The following ELF2 variants were observed in gnomAD, a reference collection of about 807,000 sequenced individuals.
ELF2 encodes the protein ETS-related transcription factor Elf-2.
Under a neutral mutation model 54.8 loss-of-function variants are expected in ELF2, and 11 were observed. That is an observed-to-expected ratio of 0.20 (90% confidence interval 0.13 to 0.33). ELF2 has a LOEUF of 0.33. Ranked by LOEUF, ELF2 falls within the 10% of genes least tolerant of loss-of-function variation. The pLI is 1.00. For missense variants in ELF2, 513 were observed against 703.0 expected (o/e 0.73, Z 3.06); for synonymous variants, 203 against 245.1 (o/e 0.83, Z 1.61).
intron 6 of ELF2, among the ~76,000 whole-genome samples, chr4:139,069,389 T>G (rs1424379751): frequency 2.0e-5 from 3 of 152,238 alleles, no homozygotes; most frequent in Admixed American, 6.5e-5. Context: ...GAAAGTTCAC[T>G]GGTCTCTGTT....
chr4:139,115,039 G>C (rs879053437), intron 4 of ELF2: 24 of 1,613,876 alleles, frequency 1.5e-5, no homozygotes, highest in African/African-American at 5.3e-5. Flanking sequence ...CTCCTTGACC[G>C]TGGCAGCCCG....
chr4:139,122,972 C>T (rs1459976313), intron 4 of ELF2, among the ~76,000 whole-genome samples: 5 of 151,456 alleles, frequency 3.3e-5, no homozygotes, highest in Admixed American at 6.6e-5. Flanking sequence ...ATCACGAAGT[C>T]AAGAAATCGA....
intron 6 of ELF2, among the ~76,000 whole-genome samples, chr4:139,071,258 G>T (rs768003969): frequency 6.6e-6 from 1 of 151,750 alleles, no homozygotes; most frequent in Non-Finnish European, 1.5e-5. Flanking sequence ...ATTGTATATA[G>T]TATGATATAA....
At chr4:139,142,946 T>C (rs1264286693) in intron 1 of ELF2, among the ~76,000 whole-genome samples, 4 of 152,030 alleles carry the variant, frequency 2.6e-5, no homozygotes, top group Non-Finnish European at 4.4e-5. Context: ...TTGATGTGGA[T>C]TGACTGCTAT....
intron 1 of ELF2, among the ~76,000 whole-genome samples, chr4:139,158,543 G>T (rs570926189): frequency 1.3e-3 from 197 of 152,138 alleles, no homozygotes; most frequent in Non-Finnish European, 1.6e-3. Context: ...GAGAGATTAA[G>T]CTGAAAGAAG....
At chr4:139,084,039 C>T in intron 4 of ELF2, 9 of 1,596,800 alleles carry the variant, frequency 5.6e-6, no homozygotes, top group Non-Finnish European at 7.7e-6. Context: ...CACTGTACCC[C>T]CAGCACAGAC....
intron 4 of ELF2, among the ~76,000 whole-genome samples, chr4:139,085,289 G>A (rs555213135): frequency 1.3e-5 from 2 of 152,100 alleles, no homozygotes; most frequent in Non-Finnish European, 2.9e-5. Context: ...TAAATTGTTT[G>A]AAACAAAGGG....
At chr4:139,137,532 C>A in intron 3 of ELF2, 98 bp downstream of exon 3, 3 of 1,206,822 alleles carry the variant, frequency 2.5e-6, no homozygotes, top group Non-Finnish European at 3.6e-6. Flanking sequence ...ATGCTTTGTA[C>A]ATTTTTACTC....
rs368993623 is a variant in ELF2, at chr4:139,117,474, G to T, written c.238+7690C>A. Among the ~76,000 whole-genome samples the T allele has an allele frequency of 1.1e-4, 16 of 145,748 alleles. No individual in the cohort carries two copies. In the East Asian group the frequency reaches 2.1e-3, roughly 19 times the overall value. On this transcript the variant is annotated intron_variant, in intron 4 of 9. Coordinates refer to ENST00000686138, the MANE Select transcript of ELF2 (RefSeq NM_001331036.3). Reference sequence around the variant, plus strand: ...TTTGGGAGGCTGAGGCAGGCAGATCGCATGAGGCCAGGAGTTCGAGATCAG... The same window carrying T: ...TTTGGGAGGCTGAGGCAGGCAGATCTCATGAGGCCAGGAGTTCGAGATCAG...
At chr4:139,132,873 T>C (rs192530526) in intron 3 of ELF2, among the ~76,000 whole-genome samples, 5 of 87,994 alleles carry the variant, frequency 5.7e-5, no homozygotes, top group African/African-American at 1.8e-4. Context: ...TATATATATA[T>C]AAAATATGTA....
intron 4 of ELF2, among the ~76,000 whole-genome samples, chr4:139,095,940 G>A (rs531553291): frequency 4.1e-4 from 63 of 152,052 alleles, no homozygotes; most frequent in African/African-American, 1.2e-3. Context: ...GTGAAACCCC[G>A]TCTCTACTAA....
intron 4 of ELF2, chr4:139,073,823 C>A (rs978661536): frequency 2.1e-5 from 4 of 192,264 alleles, no homozygotes; most frequent in African/African-American, 9.3e-5. Flanking sequence ...TAACCAATGA[C>A]ATTGATTAGA....
At chr4:139,133,050 T>C (rs987615447) in intron 3 of ELF2, among the ~76,000 whole-genome samples, 2 of 151,702 alleles carry the variant, frequency 1.3e-5, no homozygotes, top group Admixed American at 6.6e-5. Context: ...CCCTCCCAAG[T>C]AGCTGGGACT....
chr4:139,079,887 C>G (rs1417763012), intron 4 of ELF2, among the ~76,000 whole-genome samples: 2 of 152,132 alleles, frequency 1.3e-5, no homozygotes, highest in Non-Finnish European at 2.9e-5. Context: ...GGCTGGGCGA[C>G]AGAGGGAGAC....
At chr4:139,132,244 C>T (rs1380393659) in intron 3 of ELF2, among the ~76,000 whole-genome samples, 1 of 152,128 alleles carries the variant, frequency 6.6e-6, no homozygotes, top group East Asian at 1.9e-4. Context: ...AATTTGACAA[C>T]TTTAAAAAGG....
At chr4:139,128,255 C>T (rs898217891) in intron 3 of ELF2, among the ~76,000 whole-genome samples, 1 of 148,532 alleles carries the variant, frequency 6.7e-6, no homozygotes, top group African/African-American at 2.5e-5. Flanking sequence ...AGCCTGGCAA[C>T]TGAGAACAAG....
At chr4:139,097,738 ATTTT>A (rs1733438510) in intron 4 of ELF2, among the ~76,000 whole-genome samples, 1 of 150,600 alleles carries the variant, frequency 6.6e-6, no homozygotes, top group Non-Finnish European at 1.5e-5. Flanking sequence ...CAATATTATT[ATTTT>A]GATTGTCTTT....
At chr4:139,067,895 T>C in intron 6 of ELF2, 125 bp from the exon 7 acceptor site, 1 of 864,978 alleles carries the variant, frequency 1.2e-6, no homozygotes, top group Non-Finnish European at 1.7e-6. Flanking sequence ...GAATATACTC[T>C]ATGAAAAGCT....
chr4:139,144,494 G>T (rs999813486), intron 1 of ELF2, among the ~76,000 whole-genome samples: 3 of 152,238 alleles, frequency 2.0e-5, no homozygotes, highest in Non-Finnish European at 4.4e-5. Flanking sequence ...GGGATGAACT[G>T]CCTTGGCTGA....
Sources: gnomAD v4.1 joint callset for allele counts (sites outside exome capture counted in the v4.1 genomes callset) on GRCh38, gnomAD v4.1.1 for gene constraint, MANE v1.5 for transcripts, NCBI Gene and HGNC (gene_info 2026-07-23, HGNC 2026-07-21) for gene names.